SNTB1: variants seen among roughly 807,000 people sequenced by gnomAD.
SNTB1 encodes the protein syntrophin beta 1.
A neutral mutation model predicts 48.9 loss-of-function variants in SNTB1; 36 were observed. That is an observed-to-expected ratio of 0.74 (90% CI 0.56 to 0.97). The LOEUF (loss-of-function observed/expected upper bound fraction) is 0.97. SNTB1 is among the 50% of genes least tolerant of loss of function. The probability of loss-of-function intolerance (pLI) is 0.00; values close to 1 mark genes in which losing one functional copy is unlikely to be tolerated. For synonymous variants in SNTB1, 299 were observed against 294.6 expected, an observed-to-expected ratio of 1.01 and a Z score of -0.15; for missense variants, 786 against 703.4, an observed-to-expected ratio of 1.12 and a Z score of -1.33.
chr8:120,675,842 A>G (rs974210447), intron 2 of SNTB1, among the ~76,000 whole-genome samples: 3 of 152,206 alleles, frequency 2.0e-5, no homozygotes, highest in Admixed American at 6.5e-5. Context: ...AGTCTTTAGA[A>G]GAGATGAGAA....
intron 2 of SNTB1, among the ~76,000 whole-genome samples, chr8:120,691,797 A>G (rs928557754): frequency 6.6e-6 from 1 of 152,224 alleles, no homozygotes; most frequent in Non-Finnish European, 1.5e-5. Context: ...GCCACTTTGC[A>G]GTCTGTGGTC....
intron 1 of SNTB1, among the ~76,000 whole-genome samples, chr8:120,719,580 C>T (rs572078351): frequency 2.0e-5 from 3 of 152,310 alleles, no homozygotes; most frequent in Non-Finnish European, 2.9e-5. Context: ...TGCCATCCAT[C>T]ATTGCTCCAT....
At chr8:120,547,217 C>T (rs1275433454) in intron 5 of SNTB1, among the ~76,000 whole-genome samples, 2 of 152,198 alleles carry the variant, frequency 1.3e-5, no homozygotes, top group Non-Finnish European at 2.9e-5. Flanking sequence ...ACAATATTTA[C>T]ACCCATTATT....
intron 3 of SNTB1, among the ~76,000 whole-genome samples, chr8:120,585,651 A>G (rs1214677046): frequency 6.6e-6 from 1 of 152,222 alleles, no homozygotes; most frequent in Non-Finnish European, 1.5e-5. Context: ...AGTAAATGAA[A>G]CATAGTCTGT....
chr8:120,543,872 CT>C (rs1262193460), intron 5 of SNTB1, among the ~76,000 whole-genome samples: 1 of 152,168 alleles, frequency 6.6e-6, no homozygotes, highest in African/African-American at 2.4e-5. Context: ...GAACCCTGCC[CT>C]CCGCCAGCCC....
chr8:120,582,802 T>TA (rs1816071174), intron 3 of SNTB1, among the ~76,000 whole-genome samples: 1 of 151,964 alleles, frequency 6.6e-6, no homozygotes, highest in Admixed American at 6.6e-5. Flanking sequence ...GACAAATACC[T>TA]AATGCATGCG....
In SNTB1 at chr8:120,771,933, G is replaced by A. The variant is rs915991642; in HGVS notation, c.571+39340C>T. On this transcript the variant is annotated intron_variant, in intron 1 of 6. Coordinates refer to ENST00000517992, the MANE Select transcript of SNTB1 (RefSeq NM_021021.4). The stretch of plus-strand genomic sequence containing the variant: ...TGCCCAGGCTGGAGTGCAGTGGCAC[G>A]CACTTGGCTCACAACCACCTCCACC... Among the ~76,000 whole-genome samples the A allele has an allele frequency of 1.2e-4, 19 of 152,018 alleles. 1 individual carries two copies. The highest frequency in any genetic ancestry group is 3.6e-4 in the African/African-American group (15 of 41,404).
intron 1 of SNTB1, among the ~76,000 whole-genome samples, chr8:120,745,229 C>A (rs1224247059): frequency 6.6e-6 from 1 of 151,956 alleles, no homozygotes; most frequent in East Asian, 1.9e-4. Flanking sequence ...TTCATCAGCC[C>A]CTGTTGATGC....
chr8:120,635,104 C>T (rs1488120890), intron 2 of SNTB1, among the ~76,000 whole-genome samples: 1 of 152,042 alleles, frequency 6.6e-6, no homozygotes, highest in Non-Finnish European at 1.5e-5. Flanking sequence ...GCCAGTCTCC[C>T]CAATAAGATA....
intron 1 of SNTB1, among the ~76,000 whole-genome samples, chr8:120,754,138 A>C (rs1227526430): frequency 6.6e-6 from 1 of 152,188 alleles, no homozygotes; most frequent in Non-Finnish European, 1.5e-5. Context: ...CAGAGGCTGC[A>C]TCACAGAGAA....
intron 4 of SNTB1, among the ~76,000 whole-genome samples, chr8:120,568,194 C>T (rs1815784134): frequency 6.6e-6 from 1 of 152,288 alleles, no homozygotes; most frequent in East Asian, 1.9e-4. Flanking sequence ...CCAACAGCAT[C>T]AGCCCAGCTT....
intron 1 of SNTB1, among the ~76,000 whole-genome samples, chr8:120,771,604 A>G (rs1819635408): frequency 6.6e-6 from 1 of 152,088 alleles, no homozygotes; most frequent in Non-Finnish European, 1.5e-5. Flanking sequence ...TCTTCTCCCT[A>G]ATCAAAAATC....
intron 3 of SNTB1, among the ~76,000 whole-genome samples, chr8:120,585,933 T>C (rs1420245922): frequency 6.6e-6 from 1 of 152,220 alleles, no homozygotes; most frequent in African/African-American, 2.4e-5. Flanking sequence ...CATTTGCAAC[T>C]CCCAAACTTT....
intron 2 of SNTB1, among the ~76,000 whole-genome samples, chr8:120,643,894 T>C (rs1394292139): frequency 6.6e-6 from 1 of 152,196 alleles, no homozygotes; most frequent in Admixed American, 6.5e-5. Flanking sequence ...AGACACACCA[T>C]GAGTTCTGGT....
intron 2 of SNTB1, among the ~76,000 whole-genome samples, chr8:120,642,695 T>G (rs1817216685): frequency 6.6e-6 from 1 of 152,138 alleles, no homozygotes; most frequent in Admixed American, 6.5e-5. Flanking sequence ...GGAGGATTAC[T>G]CGAGCTCAGG....
chr8:120,649,939 G>C (rs1817382760), intron 2 of SNTB1, among the ~76,000 whole-genome samples: 1 of 152,162 alleles, frequency 6.6e-6, no homozygotes, highest in African/African-American at 2.4e-5. Context: ...TCCAGGTGCT[G>C]TCCATCACCC....
intron 3 of SNTB1, among the ~76,000 whole-genome samples, chr8:120,578,445 A>G (rs1815985568): frequency 6.6e-6 from 1 of 152,170 alleles, no homozygotes; most frequent in South Asian, 2.1e-4. Flanking sequence ...ACCCAAAGGT[A>G]TTCTGATATG....
intron 4 of SNTB1, among the ~76,000 whole-genome samples, chr8:120,563,289 C>A (rs1256693167): frequency 1.4e-5 from 2 of 145,034 alleles, no homozygotes; most frequent in East Asian, 2.0e-4. Flanking sequence ...AGTGAGCATA[C>A]CTTTTTTTTT....
chr8:120,791,139 A>C (rs1480968723), intron 1 of SNTB1, among the ~76,000 whole-genome samples: 1 of 151,884 alleles, frequency 6.6e-6, no homozygotes, highest in Non-Finnish European at 1.5e-5. Context: ...AGACTACAGA[A>C]CCCATAAATA....
Sources: allele counts gnomAD v4.1 joint callset (sites outside exome capture counted in the v4.1 genomes callset), GRCh38; gene constraint gnomAD v4.1.1; transcripts MANE v1.5; gene names NCBI Gene and HGNC (gene_info 2026-07-23, HGNC 2026-07-21).